Variants in ABCA4 observed in about 807,000 individuals in gnomAD.
ABCA4 encodes the protein retinal-specific phospholipid-transporting ATPase ABCA4.
ABCA4 carries 196 observed loss-of-function variants against 263.7 expected under a neutral mutation model. That is an observed-to-expected ratio of 0.74 (90% confidence interval 0.66 to 0.84). ABCA4 has a LOEUF of 0.84. Among genes scored for constraint, ABCA4 ranks in the 40% least tolerant of loss-of-function variants. The pLI, the probability that ABCA4 is intolerant of heterozygous loss-of-function variation, is 0.00. For missense variants in ABCA4, 2,792 were observed against 2,855.1 expected (o/e 0.98, Z 0.50); for synonymous variants, 1,133 against 1,094.2 (o/e 1.04, Z -0.70).
At position 94,012,334 on chromosome 1, in the gene ABCA4, C is replaced by T. The variant is rs562306445; in HGVS notation, c.5461-949G>A. Reference sequence around the variant, plus strand: ...GGAAAGAATGCTCTTTTCCCTTCTGCTTTCTTAAAGATTCCTGTTCTTCTT... The same window carrying T: ...GGAAAGAATGCTCTTTTCCCTTCTGTTTTCTTAAAGATTCCTGTTCTTCTT... On this transcript the variant is annotated intron_variant, in intron 38 of 49. Transcript: ENST00000370225. Among the ~76,000 whole-genome samples the T allele has an allele frequency of 8.7e-4, 133 of 152,330 alleles. No homozygotes were observed. The Middle Eastern group carries it at 0.014, about 16-fold the overall frequency.
chr1:94,066,369 T>C lies in ABCA4; in HGVS notation c.1555-3052A>G, dbSNP rs575392542. On this transcript the variant is annotated intron_variant, in intron 11 of 49. Transcript: ENST00000370225. The stretch of plus-strand genomic sequence containing the variant: ...TACAAAGATAAGTAGTCAAATAATC[T>C]TTTTTTATTGGTTTGTCAAGTTTAG... 1.2e-3 allele frequency among the ~76,000 whole-genome samples: 190 copies of C among 152,378 alleles called. 4 individuals carry two copies. Among genetic ancestry groups the C allele is most frequent in the African/African-American group, 4.0e-3 (167 of 41,592 alleles).
At chr1:94,011,488 C>T in intron 38 of ABCA4, 103 bp from the exon 39 acceptor site, 2 of 1,574,824 alleles carry the variant, frequency 1.3e-6, no homozygotes, top group Non-Finnish European at 1.7e-6. Flanking sequence ...CAGGGCAAGG[C>T]CTGCAGACAG....
Position 94,021,646 on chromosome 1 carries a change from G to A in ABCA4, c.4842C>T (p.Asn1614=), listed in dbSNP as rs1265079301. The change falls in exon 34 of 50, where the codon AAC becomes AAT. Residue 1614 remains asparagine (N), a synonymous_variant. Coordinates refer to ENST00000370225, the MANE Select transcript of ABCA4 (RefSeq NM_000350.3). ...DFLKHLETED[N]IKVWFNNKGW... is the part of the protein sequence containing the mutation. ...TTATACATAGGTCAAGTACCTTAAT[G>A]TTGTCTTCAGTTTCTAGATGTTTAA... The A allele has an allele frequency of 4.3e-6, 7 of 1,611,152 alleles. No homozygotes were observed. The highest frequency in any genetic ancestry group is 2.2e-5 in the East Asian group (1 of 44,878).
chr1:94,107,615 G>T (rs543759062), intron 4 of ABCA4, among the ~76,000 whole-genome samples: 159 of 152,222 alleles, frequency 1.0e-3, no homozygotes, highest in African/African-American at 3.8e-3. Flanking sequence ...ACTCCAGGTG[G>T]CTCCCACCCT....
chr1:94,120,170 C>T (rs1035540432), intron 1 of ABCA4, among the ~76,000 whole-genome samples: 4 of 152,214 alleles, frequency 2.6e-5, no homozygotes, highest in Non-Finnish European at 2.9e-5. Flanking sequence ...TGATCTCCGG[C>T]ACCTTTTGCT....
intron 6 of ABCA4, among the ~76,000 whole-genome samples, chr1:94,085,801 T>G (rs1323775868): frequency 6.6e-6 from 1 of 152,208 alleles, no homozygotes; most frequent in African/African-American, 2.4e-5. Context: ...AGCTGTCTCC[T>G]GCCCCTAGCT....
chr1:94,060,811 G>A, intron 13 of ABCA4, 52 bp from the exon 14 acceptor site: 1 of 1,403,892 alleles, frequency 7.1e-7, no homozygotes, highest in Non-Finnish European at 9.9e-7. Context: ...ACCTGGTAGA[G>A]GCAGAATAAA....
At chr1:94,033,237 T>G (rs1349210566) in intron 26 of ABCA4, among the ~76,000 whole-genome samples, 1 of 151,850 alleles carries the variant, frequency 6.6e-6, no homozygotes, top group African/African-American at 2.4e-5. Context: ...CTGTACAACA[T>G]AGGGAGACCC....
chr1:94,012,078 G>A (rs11165062), intron 38 of ABCA4, among the ~76,000 whole-genome samples: 22,526 of 152,190 alleles, frequency 0.15, 1,829 homozygotes, highest in African/African-American at 0.22. Flanking sequence ...TGAGAAAATA[G>A]AAGGGACATC....
At chr1:94,055,585 C>T (rs1346781200) in intron 15 of ABCA4, among the ~76,000 whole-genome samples, 2 of 152,126 alleles carry the variant, frequency 1.3e-5, no homozygotes, top group African/African-American at 4.8e-5. Context: ...AGTTGCTAGA[C>T]CTATAGCTTC....
In ABCA4 at chr1:94,010,828, C is replaced by T. The variant is rs759813536; in HGVS notation, c.5686G>A (p.Val1896Ile). Residue 1896 changes from valine to isoleucine, a missense_variant, in exon 40 of 50, where the codon GTC becomes ATC. Physicochemically the swap from Val to Ile is conservative, Grantham distance 29. Coordinates refer to ENST00000370225, the MANE Select transcript of ABCA4 (RefSeq NM_000350.3). ...GVVYFLLTLL[V>I]QRHFFLSQWI... ...TGGGAGAGGAAGAAGTGGCGCTGGA[C>T]CAGCAGGGTCAGGAGGAAGTACACC... 1 of 1,614,076 alleles carries T rather than the reference C, an allele frequency of 6.2e-7. No individual in the cohort carries two copies. Among genetic ancestry groups the T allele is most frequent in the Non-Finnish European group, 8.5e-7 (1 of 1,180,006 alleles).
At chr1:94,036,686 G>C in intron 26 of ABCA4, 54 bp downstream of exon 26, 11 of 1,583,708 alleles carry the variant, frequency 6.9e-6, no homozygotes, top group Non-Finnish European at 8.7e-6. Flanking sequence ...CTTTCGAGAT[G>C]GAACTTGGGA....
intron 28 of ABCA4, 44 bp downstream of exon 28, chr1:94,030,952 G>A: frequency 6.2e-7 from 1 of 1,613,174 alleles, no homozygotes; most frequent in East Asian, 2.2e-5. Context: ...TGACCCAGGT[G>A]CCCCAAACCC....
At chr1:94,023,305 A>G in intron 32 of ABCA4, 81 bp downstream of exon 32, 1 of 1,192,528 alleles carries the variant, frequency 8.4e-7, no homozygotes, top group Non-Finnish European at 1.2e-6. Context: ...CATGGCTGTG[A>G]GGTGTGCCTT....
rs577241154 is a variant in ABCA4, at chr1:94,044,383, T to C, written c.3050+230A>G. Among the ~76,000 whole-genome samples the C allele has an allele frequency of 4.3e-4, 66 of 152,234 alleles. No individual in the cohort carries two copies. Among genetic ancestry groups the C allele is most frequent in the African/African-American group, 1.4e-3 (60 of 41,522 alleles). On this transcript the variant is annotated intron_variant, in intron 20 of 49. Coordinates refer to ENST00000370225, the MANE Select transcript of ABCA4 (RefSeq NM_000350.3). Reference sequence around the variant, plus strand: ...GTCAGAGCGAAGGCAGCCTCACCCTTCTGAGGGAGGAGCCCTCAGCTCTGA... The same window carrying C: ...GTCAGAGCGAAGGCAGCCTCACCCTCCTGAGGGAGGAGCCCTCAGCTCTGA...
rs526016 is a variant in ABCA4, at chr1:94,083,473, A to G, written c.769-32T>C. The G allele has an allele frequency of 0.29, 442,010 of 1,535,706 alleles. 67,217 individuals are homozygous for G. The highest frequency in any genetic ancestry group is 0.32 in the Non-Finnish European group (356,480 of 1,110,596). ...TTGACAGTAAAACAATTTTTTAAAT[A>G]TATATATGTTTGTAGGTATATACAC... On this transcript the variant is annotated intron_variant, in intron 6 of 49. Coordinates refer to ENST00000370225, the MANE Select transcript of ABCA4 (RefSeq NM_000350.3).
chr1:94,031,828 C>T lies in ABCA4; in HGVS notation c.4078G>A (p.Val1360Ile). 2 of 1,614,120 alleles carry T rather than the reference C, an allele frequency of 1.2e-6. No homozygotes were observed. Among genetic ancestry groups the T allele is most frequent in the Non-Finnish European group, 1.7e-6 (2 of 1,180,042 alleles). The change falls in exon 27 of 50, where the codon GTC becomes ATC. Residue 1360 changes from valine (V) to isoleucine (I), a missense_variant. Physicochemically the swap from Val to Ile is conservative, Grantham distance 29. Transcript: ENST00000370225. ...CGGATGGTGTGTTGGAATCTCTTGA[C>T]CAGCAGCGCCTGCACATGCTGGAGG... ...LVLQHVQALL[V>I]KRFQHTIRSH...
rs756641536 is a variant in ABCA4 at position 93,998,069 on chromosome 1, G to A, written c.6521C>T (p.Pro2174Leu). The A allele has an allele frequency of 7.4e-6, 12 of 1,614,152 alleles. No individual in the cohort carries two copies. Among genetic ancestry groups the A allele is most frequent in the Admixed American group, 1.7e-5 (1 of 60,026 alleles). ...CAGGTCAGGAAGCAGGTCGTCCTTC[G>A]GGGATTTGATCTTCATTGTGACGAT... The part of the protein sequence containing the change: ...GYIVTMKIKS[P>L]KDDLLPDLNP... The change falls in exon 48 of 50, where the codon CCG (proline) becomes CTG (leucine). Residue 2174 changes from proline (P) to leucine (L), a missense_variant. Pro to Leu is a moderately conservative substitution (Grantham distance 98). Transcript: ENST00000370225.
Position 94,040,035 on chromosome 1 carries a change from G to A in ABCA4, c.3607+8C>T. Reference sequence around the variant, plus strand: ...ACGGAACCCAAGTATGGCCCGTCCAGTCCTTACCATCCAGGACTTGTTCTG... The same window carrying A: ...ACGGAACCCAAGTATGGCCCGTCCAATCCTTACCATCCAGGACTTGTTCTG... On this transcript the variant is annotated splice_region_variant and intron_variant, in intron 24 of 49. Transcript: ENST00000370225. The A allele has an allele frequency of 6.3e-7, 1 of 1,595,786 alleles. No homozygotes were observed. Among genetic ancestry groups the A allele is most frequent in the Non-Finnish European group, 8.6e-7 (1 of 1,169,478 alleles).
Sources: allele counts gnomAD v4.1 joint callset (sites outside exome capture counted in the v4.1 genomes callset), GRCh38; gene constraint gnomAD v4.1.1; transcripts MANE v1.5; gene names NCBI Gene and HGNC (gene_info 2026-07-23, HGNC 2026-07-21).